The following AHRR variants were observed in gnomAD, a reference collection of about 807,000 sequenced individuals.
AHRR encodes ahR repressor.
AHRR carries 28 observed loss-of-function variants against 44.0 expected under a neutral mutation model. The ratio of observed to expected loss-of-function variants is 0.64; its 90% CI spans 0.47 to 0.87. The LOEUF (loss-of-function observed/expected upper bound fraction) is 0.87, where lower values mean the gene tolerates loss of function less well. AHRR is among the 40% of genes least tolerant of loss of function. The pLI is 0.00. For synonymous variants in AHRR, 434 were observed against 407.0 expected (o/e 1.07, Z -0.80); for missense variants, 990 against 953.9 (o/e 1.04, Z -0.50).
At chr5:397,316 TTAGCCCCTGACCATCCATG>T (rs1281687917) in intron 4 of AHRR, among the ~76,000 whole-genome samples, 1 of 120,956 alleles carries the variant, frequency 8.3e-6, no homozygotes, top group East Asian at 2.7e-4. Flanking sequence ...ACCATCCCTG[TTAGCCCCTGACCATCCATG>T]TAGCCCCTGA....
chr5:337,680 G>A lies in AHRR; in HGVS notation c.-10-6213G>A, dbSNP rs895191677. On this transcript the variant is annotated intron_variant, in intron 1 of 10. Coordinates refer to ENST00000684583, the MANE Select transcript of AHRR (RefSeq NM_001377236.1). This position sits in a 1 kb window ranked among gnomAD's most constrained non-coding sequence, Gnocchi z 4.1. ...GCAACAGTGATGCAGCTATGGAGGGGAGAGGAGAACTCTGGATGGTGCTCC... is the reference window on the plus strand; with the variant it reads ...GCAACAGTGATGCAGCTATGGAGGGAAGAGGAGAACTCTGGATGGTGCTCC... Among the ~76,000 whole-genome samples the A allele has an allele frequency of 6.6e-6, 1 of 152,220 alleles. No homozygotes were observed. The highest frequency in any genetic ancestry group is 1.5e-5 in the Non-Finnish European group (1 of 68,038).
At position 388,392 on chromosome 5, in the gene AHRR, G is replaced by A. The variant is rs183782752; in HGVS notation, c.351+11676G>A. Among the ~76,000 whole-genome samples, 61 of 152,318 alleles carry A rather than the reference G, an allele frequency of 4.0e-4. 1 individual carries two copies. The East Asian group carries it at 0.01, about 26-fold the overall frequency. On this transcript the variant is annotated intron_variant, in intron 4 of 10. Transcript: ENST00000684583. This position sits in a 1 kb window ranked among gnomAD's most constrained non-coding sequence, Gnocchi z 5.2. ...GCCATCCATCGATGGCTATGGGGAG[G>A]GTACCTGCCATTACCTCTGTTTATG...
chr5:433,871 G>A lies in AHRR; in HGVS notation c.1131G>A (p.Gln377=). 6.6e-7 allele frequency: 1 copy of A among 1,506,044 alleles called. No individual in the cohort carries two copies. Among genetic ancestry groups the A allele is most frequent in the Non-Finnish European group, 8.8e-7 (1 of 1,130,490 alleles). The allele number at this position is 1,506,044 out of a possible 1,614,324, so 93.3% of individuals were successfully genotyped here. The change falls in exon 11 of 11, where the codon CAG becomes CAA. Residue 377 remains glutamine, a synonymous_variant. Transcript: ENST00000684583. Reference sequence around the variant, plus strand: ...TCTGCAGGGACAGGGAGGAGGAGCAGCACAGGATGCTGAGCAGGGCCTCTG... The same window carrying A: ...TCTGCAGGGACAGGGAGGAGGAGCAACACAGGATGCTGAGCAGGGCCTCTG... ...KGGSGDREEE[Q]HRMLSRASGV...
rs375135507 is a variant in AHRR, at chr5:397,790, A to G, written c.352-15554A>G. ...CTGACCGTCCACGTAGCCCCTGACC[A>G]TCCACGTAGCCCCTGACCGTCCACG... On this transcript the variant is annotated intron_variant, in intron 4 of 10. Transcript: ENST00000684583. Among the ~76,000 whole-genome samples, 868 of 98,050 alleles carry G rather than the reference A, an allele frequency of 8.9e-3. 16 individuals carry two copies. Among genetic ancestry groups the G allele is most frequent in the South Asian group, 0.019 (47 of 2,502 alleles). The allele number at this position is 98,050 out of a possible 152,430, so 64.3% of individuals were successfully genotyped here.
rs775391953 is a variant in AHRR, at chr5:353,865, C to T, written c.198C>T (p.Val66=). 3.7e-6 allele frequency: 6 copies of T among 1,614,028 alleles called. No homozygotes were observed. The highest frequency in any genetic ancestry group is 3.3e-5 in the Admixed American group (2 of 60,000). Residue 66 remains valine, a synonymous_variant, in exon 3 of 11, where the codon GTC becomes GTT. Transcript: ENST00000684583. ...TCTCCAAGCTGGACAAGCTTTCTGT[C>T]CTGCGCCTCAGTGTCAGTTACCTCC... ...DIISKLDKLS[V]LRLSVSYLRV...
chr5:385,407 T>A (rs567754446), intron 4 of AHRR, among the ~76,000 whole-genome samples: 1 of 152,332 alleles, frequency 6.6e-6, no homozygotes, highest in South Asian at 2.1e-4. Flanking sequence ...ACTCCTGACC[T>A]GAAGCAGTTC....
intron 1 of AHRR, among the ~76,000 whole-genome samples, chr5:333,849 A>G (rs1236675384): frequency 6.6e-6 from 1 of 152,118 alleles, no homozygotes; most frequent in African/African-American, 2.4e-5. Flanking sequence ...TGTTTCCATA[A>G]TGGTGAATGT....
chr5:399,748 C>T (rs115106711), intron 4 of AHRR, among the ~76,000 whole-genome samples: 14,969 of 152,290 alleles, frequency 0.098, 1,017 homozygotes, highest in Admixed American at 0.13. Flanking sequence ...CTGCAGTGGG[C>T]GTCAGGAGGG....
chr5:391,005 G>A (rs1010314862), intron 4 of AHRR, among the ~76,000 whole-genome samples: 7 of 152,010 alleles, frequency 4.6e-5, no homozygotes, highest in African/African-American at 1.7e-4. Context: ...CCTCCAGGAG[G>A]CAGTGGCAGA....
At chr5:417,721 C>T (rs555798252) in intron 5 of AHRR, among the ~76,000 whole-genome samples, 1 of 145,924 alleles carries the variant, frequency 6.9e-6, no homozygotes, top group Non-Finnish European at 1.6e-5. Context: ...TTTCCCCAAG[C>T]ATGAGAAGTT....
At chr5:427,502 C>G (rs896549194) in intron 7 of AHRR, 1 of 1,093,542 alleles carries the variant, frequency 9.1e-7, no homozygotes, top group African/African-American at 1.6e-5. Flanking sequence ...TTCGTGCCAC[C>G]TGCGCATGGG....
Position 422,638 on chromosome 5 carries a change from G to A in AHRR, c.442-91G>A, listed in dbSNP as rs1442106803. ...GTGGCTGTGACTTGCTTTGACAAGT[G>A]GAGTGGAAATTTTTCGGTTACTCGT... On this transcript the variant is annotated intron_variant, in intron 5 of 10. Transcript: ENST00000684583. 20 of 1,563,266 alleles carry A rather than the reference G, an allele frequency of 1.3e-5. No individual in the cohort carries two copies. The Admixed American group carries it at 2.0e-4, about 16-fold the overall frequency.
chr5:387,359 A>G lies in AHRR; in HGVS notation c.351+10643A>G, dbSNP rs1315303197. Among the ~76,000 whole-genome samples the G allele has an allele frequency of 2.0e-5, 3 of 152,230 alleles. No homozygotes were observed. The highest frequency in any genetic ancestry group is 7.2e-5 in the African/African-American group (3 of 41,460). ...CATTCCTGCTGCATGGTTCTGTGCAAACAGGCTTGCTGCCAGGACAAAGTG... is the reference window on the plus strand; with the variant it reads ...CATTCCTGCTGCATGGTTCTGTGCAGACAGGCTTGCTGCCAGGACAAAGTG... On this transcript the variant is annotated intron_variant, in intron 4 of 10. Transcript: ENST00000684583. The surrounding 1 kb of genome is among the most constrained non-coding windows in gnomAD (Gnocchi z 5.1).
In AHRR at chr5:376,263, A is replaced by G. The variant is rs879424561; in HGVS notation, c.245-347A>G. Among the ~76,000 whole-genome samples, 183 of 150,816 alleles carry G rather than the reference A, an allele frequency of 1.2e-3. 2 individuals are homozygous for G. The highest frequency in any genetic ancestry group is 8.9e-4 in the Non-Finnish European group (60 of 67,668). On this transcript the variant is annotated intron_variant, in intron 3 of 10. Coordinates refer to ENST00000684583, the MANE Select transcript of AHRR (RefSeq NM_001377236.1). ...TGGCAGGAAGCCAGACTTTGTCCCA[A>G]GACTGGGTGGGGGCCCTGGGGGGTT... is the stretch of plus-strand genomic sequence containing the variant.
intron 4 of AHRR, 131 bp from the exon 5 acceptor site, chr5:413,213 A>G: frequency 1.8e-6 from 1 of 557,902 alleles, no homozygotes; most frequent in Non-Finnish European, 3.1e-6. Context: ...AAAAGTGGGC[A>G]TTTCTAGAGG....
intron 3 of AHRR, among the ~76,000 whole-genome samples, chr5:354,609 G>C (rs1392612109): frequency 6.6e-6 from 1 of 152,208 alleles, no homozygotes; most frequent in Non-Finnish European, 1.5e-5. Context: ...GTAGACCGTG[G>C]GGCCTTTGCT....
At chr5:376,558 G>GAA in intron 3 of AHRR, 52 bp from the exon 4 acceptor site, 5 of 223,486 alleles carry the variant, frequency 2.2e-5, no homozygotes, top group East Asian at 7.6e-5. Context: ...ATGAAGAAGA[G>GAA]TGGCCAGGCC....
chr5:408,691 A>G (rs919688508), intron 4 of AHRR, among the ~76,000 whole-genome samples: 3 of 152,176 alleles, frequency 2.0e-5, no homozygotes, highest in African/African-American at 7.2e-5. Context: ...TCAATGTTAT[A>G]CTTCTTAAAA....
intron 2 of AHRR, among the ~76,000 whole-genome samples, chr5:347,330 T>A (rs555101431): frequency 1.4e-3 from 216 of 152,360 alleles, no homozygotes; most frequent in African/African-American, 5.0e-3. Context: ...TTACATATAG[T>A]GTTCTTTGCC....
Sources: gnomAD v4.1 joint callset for allele counts (sites outside exome capture counted in the v4.1 genomes callset) on GRCh38, gnomAD v4.1.1 for gene constraint, Gnocchi (gnomAD v3.1) non-coding constraint, MANE v1.5 for transcripts, NCBI Gene and HGNC (gene_info 2026-07-23, HGNC 2026-07-21) for gene names.